Variants in RHAG observed in about 807,000 individuals in gnomAD.
RHAG encodes Rh associated glycoprotein.
In RHAG, 25 loss-of-function variants were observed where a neutral mutation model predicts 42.4. The ratio of observed to expected loss-of-function variants is 0.59; its 90% CI spans 0.43 to 0.82. RHAG has a LOEUF of 0.82. Among genes scored for constraint, RHAG ranks in the 40% least tolerant of loss-of-function variants. The pLI is 0.00. For synonymous variants in RHAG, 182 were observed against 177.7 expected (o/e 1.02, Z -0.19); for missense variants, 483 against 504.6 (o/e 0.96, Z 0.41).
chr6:49,626,832 T>C (rs1762851830), intron 1 of RHAG, among the ~76,000 whole-genome samples: 1 of 152,256 alleles, frequency 6.6e-6, no homozygotes, highest in South Asian at 2.1e-4. Flanking sequence ...AATTCTTGAC[T>C]TCTGTGCTCC....
intron 7 of RHAG, among the ~76,000 whole-genome samples, chr6:49,609,924 A>G (rs958010583): frequency 6.6e-6 from 1 of 152,190 alleles, no homozygotes; most frequent in Non-Finnish European, 1.5e-5. Context: ...TTGCAGGGAC[A>G]TGGATGAAGC....
intron 1 of RHAG, among the ~76,000 whole-genome samples, chr6:49,627,192 T>G (rs1158617126): frequency 6.6e-6 from 1 of 152,230 alleles, no homozygotes; most frequent in Non-Finnish European, 1.5e-5. Context: ...GAAATGGGTT[T>G]TTGTTTTCTA....
chr6:49,622,033 G>T (rs1196941967), intron 1 of RHAG, among the ~76,000 whole-genome samples: 3 of 148,424 alleles, frequency 2.0e-5, no homozygotes, highest in Non-Finnish European at 4.5e-5. Context: ...TAATTTATTG[G>T]TTTTAAACTG....
chr6:49,635,043 A>T (rs1036374298), intron 1 of RHAG, among the ~76,000 whole-genome samples: 1 of 150,556 alleles, frequency 6.6e-6, no homozygotes, highest in Non-Finnish European at 1.5e-5. Context: ...TTGAAGCAAT[A>T]TCCACTCAGC....
chr6:49,607,043 G>A, intron 8 of RHAG, 107 bp downstream of exon 8: 2 of 1,233,860 alleles, frequency 1.6e-6, no homozygotes, highest in Non-Finnish European at 2.4e-6. Flanking sequence ...TTTACTGCCA[G>A]AAGTTTAGAA....
chr6:49,617,007 C>G (rs557435217), intron 3 of RHAG, among the ~76,000 whole-genome samples: 1 of 152,264 alleles, frequency 6.6e-6, no homozygotes, highest in South Asian at 2.1e-4. Flanking sequence ...CTCTGTTTTT[C>G]CCTTTGGGAC....
intron 1 of RHAG, among the ~76,000 whole-genome samples, chr6:49,622,849 G>GT (rs1762786143): frequency 1.2e-4 from 10 of 82,362 alleles, no homozygotes; most frequent in African/African-American, 2.7e-4. Flanking sequence ...TTTTTGTTTT[G>GT]TTTTGAGACG....
At position 49,612,845 on chromosome 6, in the gene RHAG, A is replaced by G. The variant is rs1480617; in HGVS notation, c.808-311T>C. On this transcript the variant is annotated intron_variant, in intron 5 of 9. Transcript: ENST00000371175. The stretch of plus-strand genomic sequence containing the variant: ...GAGGGTAGGAGTGTTTAGAGCAAAT[A>G]TTCTCGCAATGTTTTTTCTATTTAT... Among the ~76,000 whole-genome samples the G allele has an allele frequency of 0.32, 48,010 of 151,922 alleles. 8,047 individuals carry two copies. Among genetic ancestry groups the G allele is most frequent in the East Asian group, 0.51 (2,642 of 5,150 alleles).
intron 1 of RHAG, among the ~76,000 whole-genome samples, chr6:49,626,319 C>T (rs1028730562): frequency 6.6e-6 from 1 of 152,208 alleles, no homozygotes; most frequent in Non-Finnish European, 1.5e-5. Flanking sequence ...TGGGTAAATA[C>T]TCCCATTCCA....
At chr6:49,616,504 C>T (rs535653940) in intron 3 of RHAG, among the ~76,000 whole-genome samples, 1 of 152,128 alleles carries the variant, frequency 6.6e-6, no homozygotes, top group African/African-American at 2.4e-5. Context: ...TTTAATTCTG[C>T]TCTATGATGA....
At chr6:49,618,330 C>G in intron 2 of RHAG, 112 bp from the exon 3 acceptor site, 1 of 1,070,312 alleles carries the variant, frequency 9.3e-7, no homozygotes, top group Non-Finnish European at 1.4e-6. Context: ...GCTTACTCAT[C>G]ATCTCCCACT....
chr6:49,621,220 G>C (rs1339190238), intron 1 of RHAG, among the ~76,000 whole-genome samples: 1 of 152,160 alleles, frequency 6.6e-6, no homozygotes, highest in Non-Finnish European at 1.5e-5. Context: ...GCCCCCTTCA[G>C]ATCAAAAGAC....
chr6:49,630,877 A>G (rs892893202), intron 1 of RHAG, among the ~76,000 whole-genome samples: 6 of 152,222 alleles, frequency 3.9e-5, no homozygotes, highest in Admixed American at 3.9e-4. Flanking sequence ...AAATTTCTGG[A>G]TTAATTATTC....
At chr6:49,634,111 C>T (rs781655572) in intron 1 of RHAG, among the ~76,000 whole-genome samples, 1 of 152,124 alleles carries the variant, frequency 6.6e-6, no homozygotes, top group Non-Finnish European at 1.5e-5. Context: ...GAACATTTAT[C>T]ATTTCTTTGT....
chr6:49,632,527 A>G (rs1284833802), intron 1 of RHAG, among the ~76,000 whole-genome samples: 1 of 152,210 alleles, frequency 6.6e-6, no homozygotes, highest in Non-Finnish European at 1.5e-5. Context: ...GATGATATTA[A>G]CGAATATTCT....
Position 49,619,328 on chromosome 6 carries a change from C to T in RHAG, c.192G>A (p.Gly64=). 1 of 1,614,086 alleles carries T rather than the reference C, an allele frequency of 6.2e-7. No homozygotes were observed. The highest frequency in any genetic ancestry group is 1.6e-4 in the Middle Eastern group (1 of 6,062). ...FQDVHVMIFV[G]FGFLMTFLKK... ...TCAGGAAGGTCATGAGGAAGCCAAA[C>T]CCAACAAATATCATAACATGTACAT... is the stretch of plus-strand genomic sequence containing the variant. The change falls in exon 2 of 10, where the codon GGG becomes GGA. Residue 64 remains glycine, a synonymous_variant. Transcript: ENST00000371175.
intron 1 of RHAG, 106 bp downstream of exon 1, chr6:49,636,550 A>G: frequency 8.6e-7 from 1 of 1,156,994 alleles, no homozygotes; most frequent in Admixed American, 1.7e-5. Context: ...CATAACCATC[A>G]TATAATTCTA....
At chr6:49,609,448 A>C (rs1762530681) in intron 7 of RHAG, among the ~76,000 whole-genome samples, 1 of 152,200 alleles carries the variant, frequency 6.6e-6, no homozygotes, top group African/African-American at 2.4e-5. Context: ...GGCACCTCTT[A>C]GGGTGTTTGC....
intron 1 of RHAG, among the ~76,000 whole-genome samples, chr6:49,631,191 C>T (rs536385053): frequency 6.6e-6 from 1 of 152,166 alleles, no homozygotes; most frequent in Non-Finnish European, 1.5e-5. Context: ...CAGACCTCTC[C>T]ACTATAAGTG....
Sources: gnomAD v4.1 joint callset for allele counts (sites outside exome capture counted in the v4.1 genomes callset) on GRCh38, gnomAD v4.1.1 for gene constraint, MANE v1.5 for transcripts, NCBI Gene and HGNC (gene_info 2026-07-23, HGNC 2026-07-21) for gene names.